CAMTA1: variants seen among roughly 807,000 people sequenced by gnomAD.
The protein encoded by CAMTA1 is calmodulin-binding transcription activator 1.
Under a neutral mutation model 170.9 loss-of-function variants are expected in CAMTA1, and 27 were observed. The ratio of observed to expected loss-of-function variants is 0.16; its 90% CI spans 0.12 to 0.22. The LOEUF is 0.22. Ranked by LOEUF, CAMTA1 falls within the 10% of genes least tolerant of loss-of-function variation. CAMTA1 has a pLI of 1.00. For synonymous variants in CAMTA1, 833 were observed against 891.5 expected (o/e 0.93, Z 1.17); for missense variants, 1,619 against 2,217.2 (o/e 0.73, Z 5.42).
At chr1:7,508,488 C>T (rs938327513) in intron 6 of CAMTA1, among the ~76,000 whole-genome samples, 1 of 152,214 alleles carries the variant, frequency 6.6e-6, no homozygotes, top group Non-Finnish European at 1.5e-5. Context: ...CTAAAGTGGG[C>T]GGGAAATGCT....
chr1:6,961,101 T>G (rs942582371), intron 3 of CAMTA1, among the ~76,000 whole-genome samples: 1 of 152,238 alleles, frequency 6.6e-6, no homozygotes, highest in Non-Finnish European at 1.5e-5. Flanking sequence ...TAGGGGAGTT[T>G]CTGGAATGAA....
At chr1:6,805,711 A>G (rs935935745) in intron 1 of CAMTA1, among the ~76,000 whole-genome samples, 2 of 152,136 alleles carry the variant, frequency 1.3e-5, no homozygotes, top group African/African-American at 4.8e-5. Flanking sequence ...TCTATATTAT[A>G]TTATGCCCAG....
At chr1:7,264,160 C>G (rs879235227) in intron 5 of CAMTA1, among the ~76,000 whole-genome samples, 1 of 152,154 alleles carries the variant, frequency 6.6e-6, no homozygotes, top group Non-Finnish European at 1.5e-5. Context: ...AAGCATTCCT[C>G]AAACTTTCAT....
At chr1:7,095,092 G>A (rs947279564) in intron 4 of CAMTA1, among the ~76,000 whole-genome samples, 2 of 135,102 alleles carry the variant, frequency 1.5e-5, no homozygotes, top group Admixed American at 8.8e-5. Flanking sequence ...CTTGTTTTAC[G>A]TTTCTCTGGA....
chr1:7,029,069 G>A (rs571988723), intron 3 of CAMTA1, among the ~76,000 whole-genome samples: 4 of 152,144 alleles, frequency 2.6e-5, no homozygotes, highest in Admixed American at 1.3e-4. Flanking sequence ...TTCCTTATCC[G>A]TAATATGTAA....
Position 7,547,827 on chromosome 1 carries a change from G to A in CAMTA1, c.510+79926G>A, listed in dbSNP as rs1006007382. ...GTCTCACATCTCTGCCACCCCATGT[G>A]GGCCCCCTCCAAACCCAGACTCTGA... On this transcript the variant is annotated intron_variant, in intron 6 of 22. Coordinates refer to ENST00000303635, the MANE Select transcript of CAMTA1 (RefSeq NM_015215.4). The surrounding 1 kb of genome is among the most constrained non-coding windows in gnomAD (Gnocchi z 5.7). Among the ~76,000 whole-genome samples the A allele has an allele frequency of 2.7e-5, 4 of 148,280 alleles. No individual in the cohort carries two copies. The highest frequency in any genetic ancestry group is 6.0e-5 in the Non-Finnish European group (4 of 66,432).
chr1:7,288,109 A>T (rs1180570090), intron 5 of CAMTA1, among the ~76,000 whole-genome samples: 1 of 152,180 alleles, frequency 6.6e-6, no homozygotes, highest in Non-Finnish European at 1.5e-5. Context: ...CGTATGGATA[A>T]CTTGAAGTAC....
intron 5 of CAMTA1, among the ~76,000 whole-genome samples, chr1:7,378,152 C>T (rs1234448893): frequency 6.6e-6 from 1 of 152,148 alleles, no homozygotes; most frequent in African/African-American, 2.4e-5. Context: ...AGAGGAAATT[C>T]TCCCAATTGT....
intron 3 of CAMTA1, among the ~76,000 whole-genome samples, chr1:6,839,375 C>T (rs555735353): frequency 6.6e-6 from 1 of 151,908 alleles, no homozygotes; most frequent in Non-Finnish European, 1.5e-5. Context: ...GAGCGAGACT[C>T]TCTTAAAAAA....
At chr1:7,396,921 A>T (rs1557649257) in intron 5 of CAMTA1, among the ~76,000 whole-genome samples, 1 of 152,262 alleles carries the variant, frequency 6.6e-6, no homozygotes, top group East Asian at 1.9e-4. Flanking sequence ...GGACTTTTGC[A>T]TCTGTTTTCA....
At chr1:7,343,669 CA>C (rs2084007795) in intron 5 of CAMTA1, among the ~76,000 whole-genome samples, 1 of 152,324 alleles carries the variant, frequency 6.6e-6, no homozygotes, top group South Asian at 2.1e-4. Flanking sequence ...AAGGTCATCA[CA>C]ACCCTGAATT....
At chr1:7,369,750 C>G (rs77244031) in intron 5 of CAMTA1, among the ~76,000 whole-genome samples, 1,620 of 152,234 alleles carry the variant, frequency 0.011, 30 homozygotes, top group African/African-American at 0.035. Flanking sequence ...CTAGGACAAG[C>G]TGAGGTCATG....
intron 22 of CAMTA1, among the ~76,000 whole-genome samples, chr1:7,756,565 T>C (rs2096932958): frequency 6.6e-6 from 1 of 152,166 alleles, no homozygotes; most frequent in Non-Finnish European, 1.5e-5. Context: ...AAGCCAGGAA[T>C]AGGCCAGGTA....
At chr1:6,819,946 G>C (rs1646297119) in intron 1 of CAMTA1, among the ~76,000 whole-genome samples, 1 of 152,132 alleles carries the variant, frequency 6.6e-6, no homozygotes, top group South Asian at 2.1e-4. Context: ...GTCATAACTG[G>C]TTGTCTCTTC....
chr1:7,217,253 TGAA>T (rs1458560372), intron 4 of CAMTA1, among the ~76,000 whole-genome samples: 1 of 152,228 alleles, frequency 6.6e-6, no homozygotes, highest in Non-Finnish European at 1.5e-5. Flanking sequence ...TGTCGCCATG[TGAA>T]GAAGGAAGTG....
chr1:7,745,642 A>C (rs1357702830), intron 17 of CAMTA1, among the ~76,000 whole-genome samples: 3 of 152,228 alleles, frequency 2.0e-5, no homozygotes, highest in Non-Finnish European at 4.4e-5. Flanking sequence ...GCATAGTACT[A>C]AAGTTATGAT....
chr1:7,292,863 C>T (rs1209355039), intron 5 of CAMTA1, among the ~76,000 whole-genome samples: 1 of 152,140 alleles, frequency 6.6e-6, no homozygotes, highest in African/African-American at 2.4e-5. Context: ...CCACGTGTTT[C>T]CTGCAGCCTC....
intron 3 of CAMTA1, among the ~76,000 whole-genome samples, chr1:7,031,391 A>G (rs1702777452): frequency 6.6e-6 from 1 of 152,224 alleles, no homozygotes; most frequent in Admixed American, 6.5e-5. Context: ...TGATATTAAC[A>G]TAGCCATTGC....
rs1317877467 is a variant in CAMTA1 at position 7,570,454 on chromosome 1, C to T, written c.511-69946C>T. Among the ~76,000 whole-genome samples the T allele has an allele frequency of 6.6e-6, 1 of 152,228 alleles. No homozygotes were observed. Among genetic ancestry groups the T allele is most frequent in the Non-Finnish European group, 1.5e-5 (1 of 68,048 alleles). On this transcript the variant is annotated intron_variant, in intron 6 of 22. Transcript: ENST00000303635. This position sits in a 1 kb window ranked among gnomAD's most constrained non-coding sequence, Gnocchi z 4.3. ...AACCCGGACCAGCCCGTGCATGTGCCAAGGGCTGGCCCAGGATGTCGGCAG... is the reference window on the plus strand; with the variant it reads ...AACCCGGACCAGCCCGTGCATGTGCTAAGGGCTGGCCCAGGATGTCGGCAG...
Sources: allele counts gnomAD v4.1 joint callset (sites outside exome capture counted in the v4.1 genomes callset), GRCh38; gene constraint gnomAD v4.1.1; non-coding constraint Gnocchi (gnomAD v3.1); transcripts MANE v1.5; gene names NCBI Gene and HGNC (gene_info 2026-07-23, HGNC 2026-07-21).